Variants in ASAH2 observed in about 807,000 individuals in gnomAD.
The protein encoded by ASAH2 is neutral ceramidase.
A neutral mutation model predicts 82.9 loss-of-function variants in ASAH2; 58 were observed. The observed-to-expected ratio is 0.70, with a 90% confidence interval of 0.57 to 0.87. The LOEUF (loss-of-function observed/expected upper bound fraction) is 0.87, where lower values mean the gene tolerates loss of function less well. Ranked by LOEUF, ASAH2 falls within the 40% of genes least tolerant of loss-of-function variation. The probability of loss-of-function intolerance (pLI) is 0.00; values close to 1 mark genes in which losing one functional copy is unlikely to be tolerated. For synonymous variants in ASAH2, 276 were observed against 289.7 expected (o/e 0.95, Z 0.48); for missense variants, 779 against 834.0 (o/e 0.93, Z 0.81).
At chr10:50,240,551 AC>A (rs1846268024) in intron 4 of ASAH2, 1 of 702,120 alleles carries the variant, frequency 1.4e-6, no homozygotes, top group African/African-American at 1.7e-5. Context: ...AGTCCATATC[AC>A]CCACAGAATT....
At chr10:50,233,607 A>T (rs1183746859) in intron 6 of ASAH2, among the ~76,000 whole-genome samples, 3 of 152,166 alleles carry the variant, frequency 2.0e-5, no homozygotes, top group Non-Finnish European at 4.4e-5. Flanking sequence ...TCTCTTTAAA[A>T]GAGCAGGGAA....
rs1259270165 is a variant in ASAH2, at chr10:50,187,116, T to TCACACA, written c.*198_*199insTGTGTG. On this transcript the variant is annotated 3_prime_UTR_variant, in exon 21 of 21. Coordinates refer to ENST00000682911, the MANE Select transcript of ASAH2 (RefSeq NM_019893.4). The stretch of plus-strand genomic sequence containing the variant: ...CTCTCTCTCTCTCTCTCTCTCTCTC[T>TCACACA]CTCACACACACACACACACACACAC... The TCACACA allele has an allele frequency of 2.9e-4, 66 of 230,026 alleles. No homozygotes were observed. Among genetic ancestry groups the TCACACA allele is most frequent in the South Asian group, 7.8e-4 (21 of 27,050 alleles). The allele number at this position is 230,026 out of a possible 1,614,324, so 14.2% of individuals were successfully genotyped here.
chr10:50,193,952 A>G lies in ASAH2; in HGVS notation c.2005-1240T>C, dbSNP rs1336101045. 3.9e-3 allele frequency among the ~76,000 whole-genome samples: 587 copies of G among 151,292 alleles called. 4 individuals carry two copies. Among genetic ancestry groups the G allele is most frequent in the Admixed American group, 7.1e-3 (108 of 15,168 alleles). On this transcript the variant is annotated intron_variant, in intron 18 of 20. Transcript: ENST00000682911. Reference sequence around the variant, plus strand: ...CCTATAAAGATAAATTCCTAGAAAGACACAAAATTGATGCAAGGAAAAAAA... The same window carrying G: ...CCTATAAAGATAAATTCCTAGAAAGGCACAAAATTGATGCAAGGAAAAAAA...
chr10:50,194,687 G>C (rs1261298121), intron 18 of ASAH2, among the ~76,000 whole-genome samples: 6 of 150,942 alleles, frequency 4.0e-5, no homozygotes, highest in African/African-American at 1.5e-4. Context: ...AATCAACACA[G>C]CATGGTACTG....
At chr10:50,210,966 A>T (rs2133206683) in intron 11 of ASAH2, 62 bp from the exon 12 acceptor site, 6 of 1,601,234 alleles carry the variant, frequency 3.7e-6, no homozygotes, top group Middle Eastern at 1.7e-4. Context: ...ACTGAAAGTA[A>T]ATAATGAGAT....
rs1846356326 is a variant in ASAH2, at chr10:50,243,310, G to A, written c.402C>T (p.Leu134=). 6.2e-7 allele frequency: 1 copy of A among 1,614,026 alleles called. No individual in the cohort carries two copies. Among genetic ancestry groups the A allele is most frequent in the Non-Finnish European group, 8.5e-7 (1 of 1,179,990 alleles). Residue 134 remains leucine (L), a synonymous_variant, in exon 4 of 21, where the codon CTC becomes CTT. Transcript: ENST00000682911. Reference sequence around the variant, plus strand: ...TGAAGGCACGACTGTATAGCCTGGTGAGGATGCCCTGTGCATTCTGGCCGG... The same window carrying A: ...TGAAGGCACGACTGTATAGCCTGGTAAGGATGCCCTGTGCATTCTGGCCGG... ...GKSGQNAQGI[L]TRLYSRAFIM...
chr10:50,240,291 C>T (rs1164209704), intron 4 of ASAH2, among the ~76,000 whole-genome samples: 1 of 152,184 alleles, frequency 6.6e-6, no homozygotes, highest in Non-Finnish European at 1.5e-5. Flanking sequence ...CTTGTTCCTT[C>T]AGCCTTTTAA....
chr10:50,220,425 C>T (rs891476202), intron 7 of ASAH2, among the ~76,000 whole-genome samples: 2 of 152,048 alleles, frequency 1.3e-5, no homozygotes, highest in African/African-American at 2.4e-5. Flanking sequence ...ACATATACAC[C>T]GTGGAATACT....
At chr10:50,239,887 T>C (rs1249200348) in intron 4 of ASAH2, among the ~76,000 whole-genome samples, 1 of 147,770 alleles carries the variant, frequency 6.8e-6, no homozygotes, top group Non-Finnish European at 1.5e-5. Flanking sequence ...TGGAGTGCAG[T>C]GGAGTGATCT....
At chr10:50,195,606 C>T (rs1844954049) in intron 18 of ASAH2, among the ~76,000 whole-genome samples, 1 of 151,622 alleles carries the variant, frequency 6.6e-6, no homozygotes, top group Admixed American at 6.6e-5. Flanking sequence ...ATGTTTATTG[C>T]AGCACTGTTC....
At chr10:50,218,370 T>C in intron 8 of ASAH2, 140 bp downstream of exon 8, 1 of 1,223,340 alleles carries the variant, frequency 8.2e-7, no homozygotes, top group Non-Finnish European at 1.2e-6. Flanking sequence ...GGATGGTAAA[T>C]GCTGTCTATT....
intron 12 of ASAH2, among the ~76,000 whole-genome samples, chr10:50,207,518 T>C (rs1305654975): frequency 2.6e-5 from 4 of 151,048 alleles, no homozygotes; most frequent in Non-Finnish European, 4.4e-5. Flanking sequence ...ATAAAAAGAA[T>C]TATAAAGGAA....
At chr10:50,224,116 G>C (rs1171989292) in intron 7 of ASAH2, among the ~76,000 whole-genome samples, 2 of 152,110 alleles carry the variant, frequency 1.3e-5, no homozygotes, top group African/African-American at 4.8e-5. Context: ...ACCAGCTCTG[G>C]GGTCAGACAT....
intron 12 of ASAH2, among the ~76,000 whole-genome samples, chr10:50,209,897 G>A (rs898987818): frequency 1.3e-5 from 2 of 152,014 alleles, no homozygotes; most frequent in African/African-American, 4.8e-5. Context: ...ACAAGTATTG[G>A]CAAATACATT....
At chr10:50,231,382 C>T (rs1186894227) in intron 7 of ASAH2, among the ~76,000 whole-genome samples, 1 of 152,134 alleles carries the variant, frequency 6.6e-6, no homozygotes, top group African/African-American at 2.4e-5. Context: ...ACTCAAATGT[C>T]ATTTTCTCTT....
chr10:50,243,253 T>C lies in ASAH2; in HGVS notation c.459A>G (p.Thr153=), dbSNP rs763122143. The stretch of plus-strand genomic sequence containing the variant: ...TGCCTATGTCGATGCTGACAAACAC[T>C]GTTCGATTGGACCCATCAGGTTCTG... ...IMAEPDGSNR[T]VFVSIDIGMV... is the part of the protein sequence containing the mutation. Residue 153 remains threonine (T), a synonymous_variant, in exon 4 of 21, where the codon ACA becomes ACG. Coordinates refer to ENST00000682911, the MANE Select transcript of ASAH2 (RefSeq NM_019893.4). 2 of 1,614,130 alleles carry C rather than the reference T, an allele frequency of 1.2e-6. No homozygotes were observed. Among genetic ancestry groups the C allele is most frequent in the Non-Finnish European group, 8.5e-7 (1 of 1,179,972 alleles).
chr10:50,198,399 A>G (rs1845048322), intron 17 of ASAH2: 1 of 152,880 alleles, frequency 6.5e-6, no homozygotes, highest in Non-Finnish European at 1.5e-5. Flanking sequence ...GTTCAGCGGT[A>G]TATATTTTAG....
Position 50,234,470 on chromosome 10 carries a change from C to T in ASAH2, c.770G>A (p.Arg257Lys), listed in dbSNP as rs1272342868. 6.8e-6 allele frequency: 11 copies of T among 1,613,078 alleles called. No homozygotes were observed. The highest frequency in any genetic ancestry group is 2.2e-5 in the South Asian group (2 of 91,064). Residue 257 changes from arginine to lysine, a missense_variant, in exon 6 of 21, where the codon AGA (arginine) becomes AAA (lysine). Physicochemically the swap from Arg to Lys is conservative, Grantham distance 26. Transcript: ENST00000682911. ...ATTTTGAAGGTAAGAATACGGACTT[C>T]TGTTGATCTGCACACCATCCACATT... ...KGNVDGVQIN[R>K]SPYSYLQNPQ...
At chr10:50,238,135 C>A (rs1846204448) in intron 4 of ASAH2, among the ~76,000 whole-genome samples, 1 of 152,168 alleles carries the variant, frequency 6.6e-6, no homozygotes, top group Admixed American at 6.5e-5. Flanking sequence ...CAATTTCAAG[C>A]TACCAAAAGC....
Sources: allele counts gnomAD v4.1 joint callset (sites outside exome capture counted in the v4.1 genomes callset), GRCh38; gene constraint gnomAD v4.1.1; transcripts MANE v1.5; gene names NCBI Gene and HGNC (gene_info 2026-07-23, HGNC 2026-07-21).